Variants in ACKR4 observed in about 807,000 individuals in gnomAD.
ACKR4 encodes the protein C-C CKR-11.
Under a neutral mutation model 8.5 loss-of-function variants are expected in ACKR4, and 2 were observed. The observed-to-expected ratio is 0.23, with a 90% confidence interval of 0.10 to 0.74. The LOEUF (loss-of-function observed/expected upper bound fraction) is 0.74. Ranked by LOEUF, ACKR4 falls within the 30% of genes least tolerant of loss-of-function variation. The pLI is 0.75. For synonymous variants in ACKR4, 67 were observed against 145.0 expected (o/e 0.46, Z 3.86); for missense variants, 167 against 422.1 (o/e 0.40, Z 5.30).
Position 132,602,634 on chromosome 3 carries a change from T to C in ACKR4, c.*1184T>C, listed in dbSNP as rs1213226129. ...AAATTAAATTTTGCTAGCAATTACA[T>C]TGGTCAAAAATAGTATGCACTAATG... On this transcript the variant is annotated 3_prime_UTR_variant, in exon 2 of 2. Transcript: ENST00000249887. 2.0e-5 allele frequency among the ~76,000 whole-genome samples: 3 copies of C among 152,156 alleles called. No individual in the cohort carries two copies. Among genetic ancestry groups the C allele is most frequent in the Non-Finnish European group, 2.9e-5 (2 of 68,018 alleles).
chr3:132,602,157 T>C lies in ACKR4; in HGVS notation c.*707T>C, dbSNP rs1938636393. The stretch of plus-strand genomic sequence containing the variant: ...TTCCTGTTTTTTTTAAATTTGTAAG[T>C]AATTTTATAAAATCCACCTCCTCCA... On this transcript the variant is annotated 3_prime_UTR_variant, in exon 2 of 2. Transcript: ENST00000249887. The C allele has an allele frequency of 6.0e-6, 1 of 166,602 alleles. No individual in the cohort carries two copies. The highest frequency in any genetic ancestry group is 2.1e-4 in the South Asian group (1 of 4,802). 10.3% of individuals were successfully genotyped at this position (166,602 alleles called of 1,614,324 possible).
In ACKR4 at chr3:132,598,914, G is replaced by A. The variant is rs375227147; in HGVS notation, c.-9-1475G>A. On this transcript the variant is annotated intron_variant, in intron 1 of 1. Transcript: ENST00000249887. The stretch of plus-strand genomic sequence containing the variant: ...CTTCCAGATGAGGAACAAAACAGAG[G>A]AGAGGTAGATTGGCAATTTAGAGAT... Among the ~76,000 whole-genome samples, 113 of 152,320 alleles carry A rather than the reference G, an allele frequency of 7.4e-4. 1 individual carries two copies. The highest frequency in any genetic ancestry group is 2.6e-3 in the African/African-American group (108 of 41,576).
In ACKR4 at chr3:132,598,488, T is replaced by C. The variant is rs935804184; in HGVS notation, c.-10+1165T>C. On this transcript the variant is annotated intron_variant, in intron 1 of 1. Transcript: ENST00000249887. ...TTACAAACACAAATCAAATAGGTCATGCTTTGAGGAACTTAAAACCTAGAG... is the reference window on the plus strand; with the variant it reads ...TTACAAACACAAATCAAATAGGTCACGCTTTGAGGAACTTAAAACCTAGAG... Among the ~76,000 whole-genome samples the C allele has an allele frequency of 3.9e-5, 6 of 152,224 alleles. No homozygotes were observed. In the East Asian group the frequency reaches 9.6e-4, roughly 24 times the overall value.
rs1938490733 is a variant in ACKR4 at position 132,599,879 on chromosome 3, T to G, written c.-9-510T>G. On this transcript the variant is annotated intron_variant, in intron 1 of 1. Coordinates refer to ENST00000249887, the MANE Select transcript of ACKR4 (RefSeq NM_016557.4). ...TGCTGAGAGAATTTATTTAACTTAT[T>G]TAAATTAAATTTATAAATAACATCA... 2.0e-5 allele frequency among the ~76,000 whole-genome samples: 3 copies of G among 152,040 alleles called. 1 individual carries two copies. In the South Asian group the frequency reaches 6.2e-4, roughly 31 times the overall value.
chr3:132,600,813 T>C lies in ACKR4; in HGVS notation c.416T>C (p.Val139Ala). Residue 139 changes from valine (V) to alanine (A), a missense_variant, in exon 2 of 2, where the codon GTG becomes GCG. Val to Ala is a moderately conservative substitution (Grantham distance 64). Around this residue, in one of 2 missense-constraint regions of ACKR4, gnomAD observed 149 missense variants for 281.9 expected, o/e 0.53. Transcript: ENST00000249887. ...GCTTGTATCAGCATAGACAGATATG[T>C]GGCAGTAACTAAAGTCCCCAGCCAA... ...FLACISIDRY[V>A]AVTKVPSQSG... 1 of 1,614,048 alleles carries C rather than the reference T, an allele frequency of 6.2e-7. No homozygotes were observed. The highest frequency in any genetic ancestry group is 2.2e-5 in the East Asian group (1 of 44,892).
chr3:132,597,660 G>A (rs562958996), intron 1 of ACKR4, among the ~76,000 whole-genome samples: 16 of 151,500 alleles, frequency 1.1e-4, no homozygotes, highest in East Asian at 3.9e-4. Context: ...ACTTAAAAGC[G>A]TGTCTATATA....
At chr3:132,599,646 C>T (rs1370403808) in intron 1 of ACKR4, among the ~76,000 whole-genome samples, 1 of 152,064 alleles carries the variant, frequency 6.6e-6, no homozygotes, top group Admixed American at 6.6e-5. Flanking sequence ...ACTTGGAAGG[C>T]AGAATCAGAA....
chr3:132,598,335 A>G (rs1322232779), intron 1 of ACKR4, among the ~76,000 whole-genome samples: 1 of 152,222 alleles, frequency 6.6e-6, no homozygotes, highest in East Asian at 1.9e-4. Context: ...CAATGTTGAC[A>G]TAGAAGATTT....
At chr3:132,598,654 G>A (rs1345518806) in intron 1 of ACKR4, among the ~76,000 whole-genome samples, 1 of 152,178 alleles carries the variant, frequency 6.6e-6, no homozygotes, top group African/African-American at 2.4e-5. Flanking sequence ...GCCCTTCCAG[G>A]GAAGGGCAGG....
intron 1 of ACKR4, among the ~76,000 whole-genome samples, chr3:132,599,328 A>G (rs1938465083): frequency 6.6e-6 from 1 of 152,060 alleles, no homozygotes; most frequent in African/African-American, 2.4e-5. Flanking sequence ...CAACATAGTG[A>G]AACCCCATCT....
At chr3:132,600,007 G>T (rs1228724095) in intron 1 of ACKR4, among the ~76,000 whole-genome samples, 1 of 152,096 alleles carries the variant, frequency 6.6e-6, no homozygotes, top group African/African-American at 2.4e-5. Context: ...AATTATGTAT[G>T]TAAAGATTAT....
rs1243283210 is a variant in ACKR4 at position 132,601,902 on chromosome 3, C to G, written c.*452C>G. On this transcript the variant is annotated 3_prime_UTR_variant, in exon 2 of 2. Transcript: ENST00000249887. ...TGGGTGAAGGGTACCCAGGACCACT[C>G]TGTACCATCTTTGTAACTTCCTGTG... The G allele has an allele frequency of 3.1e-5, 6 of 191,974 alleles. 1 individual carries two copies. In the South Asian group the frequency reaches 6.8e-4, roughly 22 times the overall value. 11.9% of individuals were successfully genotyped at this position (191,974 alleles called of 1,614,324 possible). A position where few individuals can be genotyped will look rare whatever the true frequency, so the allele number is the denominator to read the frequency against.
In ACKR4 at chr3:132,602,398, G is replaced by T. The variant is rs62291492; in HGVS notation, c.*948G>T. 0.031 allele frequency among the ~76,000 whole-genome samples: 4,768 copies of T among 152,000 alleles called. 138 individuals are homozygous for T. Among genetic ancestry groups the T allele is most frequent in the East Asian group, 0.1 (537 of 5,166 alleles). ...GGTTCCAATTTCTTAACTTCCTAAAGAATTCATCTGTTTATACAAGTCTAC... is the reference window on the plus strand; with the variant it reads ...GGTTCCAATTTCTTAACTTCCTAAATAATTCATCTGTTTATACAAGTCTAC... On this transcript the variant is annotated 3_prime_UTR_variant, in exon 2 of 2. Coordinates refer to ENST00000249887, the MANE Select transcript of ACKR4 (RefSeq NM_016557.4).
chr3:132,598,319 C>A (rs1414159221), intron 1 of ACKR4, among the ~76,000 whole-genome samples: 1 of 152,102 alleles, frequency 6.6e-6, no homozygotes, highest in Non-Finnish European at 1.5e-5. Context: ...CAACATAGTG[C>A]AATAACAATG....
chr3:132,598,935 G>C (rs576072700), intron 1 of ACKR4, among the ~76,000 whole-genome samples: 1 of 152,320 alleles, frequency 6.6e-6, no homozygotes, highest in East Asian at 1.9e-4. Flanking sequence ...TGGCAATTTA[G>C]AGATCAAATA....
rs145836933 is a variant in ACKR4, at chr3:132,600,737, A to G, written c.340A>G (p.Ile114Val). ...GWVLGKIMCK[I>V]TSALYTLNFV... ...GGTTTTAGGGAAAATAATGTGCAAA[A>G]TAACTTCAGCCTTGTACACACTAAA... Residue 114 changes from isoleucine (I) to valine (V), a missense_variant, in exon 2 of 2, where the codon ATA becomes GTA. By Grantham distance (29) the Ile-to-Val change is conservative (BLOSUM62 3). Transcript: ENST00000249887. 1.9e-5 allele frequency: 31 copies of G among 1,613,972 alleles called. No individual in the cohort carries two copies. In the African/African-American group the frequency reaches 2.4e-4, roughly 12 times the overall value.
At chr3:132,600,044 A>T (rs1938499325) in intron 1 of ACKR4, among the ~76,000 whole-genome samples, 1 of 152,232 alleles carries the variant, frequency 6.6e-6, no homozygotes, top group African/African-American at 2.4e-5. Context: ...TTTAGTTAAA[A>T]TCTAATTAAA....
intron 1 of ACKR4, 83 bp downstream of exon 1, chr3:132,597,406 A>C (rs925276449): frequency 2.6e-5 from 4 of 151,502 alleles, no homozygotes; most frequent in African/African-American, 4.8e-5. Flanking sequence ...ATATAGATGG[A>C]GTCTTGATGC....
At position 132,600,542 on chromosome 3, in the gene ACKR4, A is replaced by G. The variant is rs1159986031; in HGVS notation, c.145A>G (p.Thr49Ala). The G allele has an allele frequency of 1.2e-6, 2 of 1,613,842 alleles. No homozygotes were observed. The highest frequency in any genetic ancestry group is 2.7e-5 in the African/African-American group (2 of 74,944). Residue 49 changes from threonine (T) to alanine (A), a missense_variant, in exon 2 of 2, where the codon ACA becomes GCA. By Grantham distance (58) the Thr-to-Ala change is moderately conservative (BLOSUM62 0). Coordinates refer to ENST00000249887, the MANE Select transcript of ACKR4 (RefSeq NM_016557.4). ...FAKVFLPVFL[T>A]IVFVIGLAGN... ...AAAAGTTTTCCTCCCTGTATTCCTC[A>G]CAATAGTTTTCGTCATTGGACTTGC...
Sources: gnomAD v4.1 joint callset for allele counts (sites outside exome capture counted in the v4.1 genomes callset) on GRCh38, gnomAD v4.1.1 for gene constraint, gnomAD v4.1.1 regional missense constraint, MANE v1.5 for transcripts, NCBI Gene and HGNC (gene_info 2026-07-23, HGNC 2026-07-21) for gene names.